The following H2BC18 variants were observed in gnomAD, a reference collection of about 807,000 sequenced individuals.
H2BC18 encodes H2B clustered histone 18, also known as histone H2B type 2-F.
H2BC18 carries 8 observed loss-of-function variants against 6.3 expected under a neutral mutation model. The observed-to-expected ratio is 1.28, with a 90% CI of 0.75 to 2.31. H2BC18 has a LOEUF of 2.31. Among genes scored for constraint, H2BC18 ranks in the 30% most tolerant of loss-of-function variants. The pLI is 0.00. For missense variants in H2BC18, 106 were observed against 174.5 expected (o/e 0.61, Z 2.21); for synonymous variants, 104 against 78.1 (o/e 1.33, Z -1.75).
chr1:149,793,982 T>C (rs1464764658), intron 1 of H2BC18: 18 of 998,502 alleles, frequency 1.8e-5, no homozygotes, highest in Non-Finnish European at 1.4e-6. Context: ...GCCCAGCGAT[T>C]CCAGCCCTGA....
intron 1 of H2BC18, among the ~76,000 whole-genome samples, chr1:149,790,707 A>C (rs2091688184): frequency 2.3e-5 from 3 of 129,546 alleles, no homozygotes; most frequent in Non-Finnish European, 3.2e-5. Context: ...CCTCCTCCTC[A>C]CCAACAATCT....
downstream of H2BC18, among the ~76,000 whole-genome samples, chr1:149,809,315 C>T (rs662247): frequency 7.2e-6 from 1 of 138,812 alleles, no homozygotes; most frequent in East Asian, 2.1e-4. Flanking sequence ...ATAGATACAT[C>T]GGCTCAAGGG....
At chr1:149,808,589 A>C (rs1451461914), downstream of H2BC18, among the ~76,000 whole-genome samples, 2 of 152,238 alleles carry the variant, frequency 1.3e-5, no homozygotes, top group Non-Finnish European at 2.9e-5. Context: ...AAATATTACA[A>C]CCTGGCTGAG....
chr1:149,810,030 A>G (rs1266059290), downstream of H2BC18, among the ~76,000 whole-genome samples: 2 of 150,826 alleles, frequency 1.3e-5, no homozygotes, highest in Non-Finnish European at 3.0e-5. Flanking sequence ...TTGGAAGTTA[A>G]TCTTTTGGTC....
intron 1 of H2BC18, chr1:149,794,178 C>A (rs6703252): frequency 2.8e-6 from 1 of 350,888 alleles, no homozygotes; most frequent in East Asian, 7.6e-5. Flanking sequence ...AACAGTGGAG[C>A]TATTGAGAGT....
Position 149,812,126 on chromosome 1 carries a change from G to A in H2BC18, c.198C>T (p.Phe66=), listed in dbSNP as rs782409144. The change falls in exon 1 of 1, where the codon TTC becomes TTT. Residue 66 remains phenylalanine (F), a synonymous_variant. Coordinates refer to ENST00000369167, the MANE Select transcript of H2BC18 (RefSeq NM_001024599.5). ...SSKAMGIMNS[F]VNDIFERIAG... ...CGATGCGCTCGAAGATGTCGTTGAC[G>A]AAGGAGTTCATGATGCCCATGGCCT... 11 of 1,614,162 alleles carry A rather than the reference G, an allele frequency of 6.8e-6. No homozygotes were observed. The highest frequency in any genetic ancestry group is 2.7e-5 in the African/African-American group (2 of 74,956).
chr1:149,811,704 A>T, downstream of H2BC18: 3 of 637,182 alleles, frequency 4.7e-6, no homozygotes, highest in South Asian at 6.0e-5. Context: ...CGTAGCACAG[A>T]TAACAAGCAA....
intron 1 of H2BC18, chr1:149,789,914 T>G: frequency 6.5e-7 from 1 of 1,544,244 alleles, no homozygotes; most frequent in Admixed American, 1.9e-5. Context: ...AATGGCTCTC[T>G]GCTGGAAGTA....
At position 149,801,149 on chromosome 1, in the gene H2BC18, G is replaced by A. The variant is rs1354751721; in HGVS notation, c.377+10798C>T. Among the ~76,000 whole-genome samples the A allele has an allele frequency of 2.0e-5, 3 of 152,018 alleles. No homozygotes were observed. The East Asian group carries it at 5.8e-4, about 29-fold the overall frequency. ...GAGATGGGTGGATATTCCTACTGTGGTACCTGAACTGTCATCCTGTCAGTT... is the reference window on the plus strand; with the variant it reads ...GAGATGGGTGGATATTCCTACTGTGATACCTGAACTGTCATCCTGTCAGTT... On this transcript the variant is annotated intron_variant, in intron 1 of 1. Coordinates refer to the H2BC18 transcript ENST00000545683.
intron 1 of H2BC18, chr1:149,788,647 T>C (rs1553751233): frequency 5.0e-6 from 8 of 1,613,798 alleles, no homozygotes; most frequent in South Asian, 1.1e-5. Flanking sequence ...ATAGAACTGA[T>C]AGTCCCTCCC....
intron 1 of H2BC18, chr1:149,784,347 T>C (rs2091482953): frequency 1.2e-6 from 2 of 1,610,866 alleles, no homozygotes; most frequent in Non-Finnish European, 1.7e-6. Flanking sequence ...TGTGTGTCGA[T>C]TTATCTGGGT....
intron 1 of H2BC18, among the ~76,000 whole-genome samples, chr1:149,789,614 T>A (rs1194719360): frequency 1.3e-5 from 2 of 152,138 alleles, no homozygotes; most frequent in Non-Finnish European, 2.9e-5. Flanking sequence ...GGAGGTGAGC[T>A]TCTTCATGAG....
intron 1 of H2BC18, chr1:149,805,676 A>G (rs2091910702): frequency 6.6e-6 from 1 of 152,124 alleles, no homozygotes. Context: ...TGTTTCTTGA[A>G]TCCATCATTC....
intron 1 of H2BC18, among the ~76,000 whole-genome samples, chr1:149,784,896 C>T (rs2091500294): frequency 6.6e-6 from 1 of 151,782 alleles, no homozygotes; most frequent in Non-Finnish European, 1.5e-5. Context: ...TGCCTATTAG[C>T]AAATTTATAA....
intron 1 of H2BC18, chr1:149,790,203 C>T (rs782164774): frequency 1.1e-4 from 175 of 1,613,730 alleles, no homozygotes; most frequent in Admixed American, 1.8e-4. Context: ...CAAGACCCTG[C>T]GAGGCAGGAA....
At chr1:149,786,783 ATTAC>A (rs2091563563) in intron 1 of H2BC18, 1 of 152,214 alleles carries the variant, frequency 6.6e-6, no homozygotes, top group Non-Finnish European at 1.5e-5. Flanking sequence ...TTATTCATGA[ATTAC>A]TTAGATGTTT....
intron 1 of H2BC18, among the ~76,000 whole-genome samples, chr1:149,801,824 AAC>A (rs1365705129): frequency 1.3e-5 from 2 of 152,138 alleles, no homozygotes; most frequent in East Asian, 1.9e-4. Context: ...TGCCAGGAAG[AAC>A]AGTCACAGTT....
rs782745719 is a variant in H2BC18 at position 149,789,973 on chromosome 1, A to C, written c.378-6713T>G. The C allele has an allele frequency of 4.4e-5, 71 of 1,612,002 alleles. No homozygotes were observed. In the Middle Eastern group the frequency reaches 1.3e-3, roughly 30 times the overall value. On this transcript the variant is annotated intron_variant, in intron 1 of 1. Coordinates refer to the H2BC18 transcript ENST00000545683. ...GCATTTTCTAGGGCCAGGTTTCCCAAGGGGGTAAAGGGCATGTCTTTTGTG... is the reference window on the plus strand; with the variant it reads ...GCATTTTCTAGGGCCAGGTTTCCCACGGGGGTAAAGGGCATGTCTTTTGTG...
chr1:149,786,551 A>G (rs1395839557), intron 1 of H2BC18: 14 of 152,190 alleles, frequency 9.2e-5, no homozygotes, highest in Non-Finnish European at 7.3e-5. Context: ...ACTCTTAGTC[A>G]TTTCAATTTA....
Sources: allele counts gnomAD v4.1 joint callset (sites outside exome capture counted in the v4.1 genomes callset), GRCh38; gene constraint gnomAD v4.1.1; transcripts MANE v1.5; gene names NCBI Gene and HGNC (gene_info 2026-07-23, HGNC 2026-07-21).